Variants in RNF24 observed in about 807,000 individuals in gnomAD.
RNF24 encodes ring finger protein 24.
RNF24 carries 14 observed loss-of-function variants against 20.0 expected under a neutral mutation model. That is an observed-to-expected ratio of 0.70 (90% CI 0.46 to 1.10). RNF24 has a LOEUF of 1.10. Ranked by LOEUF, RNF24 falls within the 50% of genes least tolerant of loss-of-function variation. The pLI, the probability that RNF24 is intolerant of heterozygous loss-of-function variation, is 0.00. For synonymous variants in RNF24, 45 were observed against 61.1 expected (o/e 0.74, Z 1.23); for missense variants, 124 against 177.6 (o/e 0.70, Z 1.71).
intron 1 of RNF24, among the ~76,000 whole-genome samples, chr20:3,993,956 G>C (rs1600705101): frequency 6.6e-6 from 1 of 152,296 alleles, no homozygotes; most frequent in East Asian, 1.9e-4. Context: ...GAAATCAACA[G>C]ATATAATCCT....
intron 1 of RNF24, among the ~76,000 whole-genome samples, chr20:3,991,940 GCACACA>G (rs113511343): frequency 0.097 from 14,369 of 147,964 alleles, 805 homozygotes; most frequent in Middle Eastern, 0.17. Flanking sequence ...ACACACACAC[GCACACA>G]CACACACACA....
At chr20:3,943,114 C>T (rs1050803946) in intron 4 of RNF24, among the ~76,000 whole-genome samples, 1 of 152,118 alleles carries the variant, frequency 6.6e-6, no homozygotes, top group Non-Finnish European at 1.5e-5. Context: ...CCCAGCCCGG[C>T]GAGAGACCTT....
At chr20:3,999,458 T>C (rs564801258) in intron 1 of RNF24, among the ~76,000 whole-genome samples, 1 of 152,266 alleles carries the variant, frequency 6.6e-6, no homozygotes, top group Admixed American at 6.5e-5. Context: ...ATTTTCTTTG[T>C]TTAAAAAAAG....
chr20:3,932,546 G>A lies in RNF24; in HGVS notation c.*1517C>T, dbSNP rs1414147352. 3.9e-5 allele frequency: 7 copies of A among 179,180 alleles called. No individual in the cohort carries two copies. The highest frequency in any genetic ancestry group is 2.3e-5 in the African/African-American group (1 of 42,734). The allele number at this position is 179,180 out of a possible 1,614,324, so 11.1% of individuals were successfully genotyped here. ...ACCAAGGACAGGTTCCTTCTCCTAA[G>A]AGGACAGAGGTTGGATTCCAGAAAA... On this transcript the variant is annotated 3_prime_UTR_variant, in exon 6 of 6. Coordinates refer to ENST00000358395, the MANE Select transcript of RNF24 (RefSeq NM_001134337.3).
rs1352537917 is a variant in RNF24, at chr20:3,931,905, G to A, written c.*2158C>T. ...CAACATGCCTGTGGCTCTGACACGGGGGGATGAATTAACTTGCCTCTGTTC... is the reference window on the plus strand; with the variant it reads ...CAACATGCCTGTGGCTCTGACACGGAGGGATGAATTAACTTGCCTCTGTTC... On this transcript the variant is annotated 3_prime_UTR_variant, in exon 6 of 6. Coordinates refer to ENST00000358395, the MANE Select transcript of RNF24 (RefSeq NM_001134337.3). 6.6e-6 allele frequency: 1 copy of A among 152,204 alleles called. No individual in the cohort carries two copies. The highest frequency in any genetic ancestry group is 1.5e-5 in the Non-Finnish European group (1 of 68,046). The allele number at this position is 152,204 out of a possible 1,614,324, so 9.4% of individuals were successfully genotyped here.
chr20:4,007,272 G>T (rs543256023), intron 1 of RNF24, among the ~76,000 whole-genome samples: 1 of 152,248 alleles, frequency 6.6e-6, no homozygotes, highest in African/African-American at 2.4e-5. Flanking sequence ...ATGCAGAAAA[G>T]CTGTAGGAAT....
intron 1 of RNF24, among the ~76,000 whole-genome samples, chr20:4,014,458 G>A (rs1414073437): frequency 1.3e-5 from 2 of 152,160 alleles, no homozygotes; most frequent in East Asian, 3.9e-4. Context: ...GCAGTGTCCT[G>A]TACGGTGGAG....
chr20:3,927,348 A>G lies in RNF24; in HGVS notation c.*6715T>C, dbSNP rs1158397465. 6.6e-6 allele frequency: 1 copy of G among 152,224 alleles called. No individual in the cohort carries two copies. Among genetic ancestry groups the G allele is most frequent in the African/African-American group, 2.4e-5 (1 of 41,468 alleles). 9.4% of individuals were successfully genotyped at this position (152,224 alleles called of 1,614,324 possible). On this transcript the variant is annotated 3_prime_UTR_variant, in exon 6 of 6. Transcript: ENST00000358395. ...TGCTTTTATTTACACGTTTGAGTCAATTACATGCATGTTTTATTTTTGAGG... is the reference window on the plus strand; with the variant it reads ...TGCTTTTATTTACACGTTTGAGTCAGTTACATGCATGTTTTATTTTTGAGG...
At position 3,946,919 on chromosome 20, in the gene RNF24, G is replaced by A. The variant is rs138181354; in HGVS notation, c.186+1318C>T. ...GAAAGATAAGCAGTCCTGGCTGGGC[G>A]CGGTGGCTCACACCTGTAATCCTGG... On this transcript the variant is annotated intron_variant, in intron 3 of 5. Coordinates refer to ENST00000358395, the MANE Select transcript of RNF24 (RefSeq NM_001134337.3). Among the ~76,000 whole-genome samples, 536 of 152,124 alleles carry A rather than the reference G, an allele frequency of 3.5e-3. 2 individuals carry two copies. The highest frequency in any genetic ancestry group is 5.9e-3 in the Non-Finnish European group (401 of 67,992).
chr20:3,949,174 G>C (rs1438347886), intron 2 of RNF24, among the ~76,000 whole-genome samples: 1 of 152,216 alleles, frequency 6.6e-6, no homozygotes, highest in Non-Finnish European at 1.5e-5. Context: ...GAGGTCAAGA[G>C]TTTGAGACCA....
At position 3,960,397 on chromosome 20, in the gene RNF24, C is replaced by T. The variant is rs556576989; in HGVS notation, c.143+3478G>A. ...TTAAATTTTAAAAATTGGCCAGGCGCGGTGGCTCATGCCTGTAATCCCAGC... is the reference window on the plus strand; with the variant it reads ...TTAAATTTTAAAAATTGGCCAGGCGTGGTGGCTCATGCCTGTAATCCCAGC... On this transcript the variant is annotated intron_variant, in intron 2 of 5. Coordinates refer to ENST00000358395, the MANE Select transcript of RNF24 (RefSeq NM_001134337.3). Among the ~76,000 whole-genome samples, 5 of 152,292 alleles carry T rather than the reference C, an allele frequency of 3.3e-5. 1 individual carries two copies. In the South Asian group the frequency reaches 8.3e-4, roughly 25 times the overall value.
At chr20:3,964,685 G>A (rs2091239785) in intron 1 of RNF24, among the ~76,000 whole-genome samples, 1 of 152,038 alleles carries the variant, frequency 6.6e-6, no homozygotes, top group South Asian at 2.1e-4. Flanking sequence ...ACCACACCTA[G>A]CTAATTTTTA....
At chr20:4,002,735 A>C (rs1201310871) in intron 1 of RNF24, among the ~76,000 whole-genome samples, 3 of 152,194 alleles carry the variant, frequency 2.0e-5, no homozygotes, top group African/African-American at 7.2e-5. Flanking sequence ...TTCCTGAAGT[A>C]GGTTATTTCA....
intron 2 of RNF24, among the ~76,000 whole-genome samples, chr20:3,954,835 A>G (rs241648): frequency 0.88 from 133,657 of 151,568 alleles, 59,256 homozygotes; most frequent in Non-Finnish European, 0.92. Flanking sequence ...GGAGGCAGAG[A>G]TTGCAGTGAG....
intron 1 of RNF24, among the ~76,000 whole-genome samples, chr20:3,982,058 T>TAATCGC (rs1452468253): frequency 7.4e-5 from 11 of 149,616 alleles, no homozygotes; most frequent in Non-Finnish European, 1.0e-4. Flanking sequence ...CAGTGAGCGC[T>TAATCGC]AATCGCACCA....
At chr20:3,937,789 T>G (rs1236881409) in intron 4 of RNF24, among the ~76,000 whole-genome samples, 1 of 152,226 alleles carries the variant, frequency 6.6e-6, no homozygotes, top group African/African-American at 2.4e-5. Context: ...TATCAGTACT[T>G]CACTCATTTT....
chr20:3,972,123 AAAC>A (rs1324847352), intron 1 of RNF24, among the ~76,000 whole-genome samples: 1 of 152,238 alleles, frequency 6.6e-6, no homozygotes. Context: ...TGCATGCACA[AAAC>A]AACAGAGCTG....
intron 1 of RNF24, among the ~76,000 whole-genome samples, chr20:3,982,330 C>A (rs1315606281): frequency 3.9e-5 from 6 of 151,930 alleles, no homozygotes; most frequent in Non-Finnish European, 7.4e-5. Context: ...GTAATCCCAG[C>A]ACTTTGGGAG....
At chr20:4,003,101 C>T (rs1981548925) in intron 1 of RNF24, among the ~76,000 whole-genome samples, 1 of 152,172 alleles carries the variant, frequency 6.6e-6, no homozygotes, top group South Asian at 2.1e-4. Flanking sequence ...TTCTGAGTAG[C>T]TGGGATTATA....
Sources: gnomAD v4.1 joint callset for allele counts (sites outside exome capture counted in the v4.1 genomes callset) on GRCh38, gnomAD v4.1.1 for gene constraint, MANE v1.5 for transcripts, NCBI Gene and HGNC (gene_info 2026-07-23, HGNC 2026-07-21) for gene names.